The following NECAB1 variants were observed in gnomAD, a reference collection of about 807,000 sequenced individuals.
The protein encoded by NECAB1 is N-terminal EF-hand calcium binding protein 1.
NECAB1 carries 29 observed loss-of-function variants against 57.5 expected under a neutral mutation model. That is an observed-to-expected ratio of 0.50 (90% confidence interval 0.38 to 0.69). The LOEUF (loss-of-function observed/expected upper bound fraction) is 0.69, where lower values mean the gene tolerates loss of function less well. Among genes scored for constraint, NECAB1 ranks in the 30% least tolerant of loss-of-function variants. The pLI is 0.00. For missense variants in NECAB1, 372 were observed against 413.8 expected (o/e 0.90, Z 0.88); for synonymous variants, 142 against 147.7 (o/e 0.96, Z 0.28).
At chr8:90,838,801 C>T (rs1812410690) in intron 3 of NECAB1, among the ~76,000 whole-genome samples, 1 of 152,158 alleles carries the variant, frequency 6.6e-6, no homozygotes, top group African/African-American at 2.4e-5. Context: ...TATTTCCAAA[C>T]TCATGACAGA....
intron 1 of NECAB1, among the ~76,000 whole-genome samples, chr8:90,795,219 C>T (rs751473727): frequency 2.0e-5 from 3 of 152,192 alleles, no homozygotes; most frequent in Non-Finnish European, 2.9e-5. Flanking sequence ...TAATCAACTC[C>T]GCTACTGTGA....
At chr8:90,844,877 T>C (rs969520441) in intron 3 of NECAB1, among the ~76,000 whole-genome samples, 2 of 152,192 alleles carry the variant, frequency 1.3e-5, no homozygotes, top group African/African-American at 4.8e-5. Context: ...CAGAGTTCTC[T>C]AGAGAAACAG....
intron 5 of NECAB1, among the ~76,000 whole-genome samples, chr8:90,906,874 C>CATATAT (rs1290352726): frequency 1.9e-3 from 80 of 42,624 alleles, no homozygotes; most frequent in African/African-American, 0.012. Flanking sequence ...ATATGATATA[C>CATATAT]ACATATATAT....
intron 6 of NECAB1, among the ~76,000 whole-genome samples, chr8:90,920,744 T>C (rs1810088028): frequency 6.6e-6 from 1 of 152,212 alleles, no homozygotes; most frequent in African/African-American, 2.4e-5. Context: ...CCTCTATTTA[T>C]ATCTACTTAT....
intron 6 of NECAB1, among the ~76,000 whole-genome samples, chr8:90,919,021 G>A (rs1194934521): frequency 1.3e-5 from 2 of 151,686 alleles, no homozygotes; most frequent in Non-Finnish European, 2.9e-5. Flanking sequence ...AAAAGTGAAT[G>A]ATGGAAATTA....
chr8:90,915,799 C>T (rs1481249145), intron 5 of NECAB1, among the ~76,000 whole-genome samples: 2 of 152,106 alleles, frequency 1.3e-5, no homozygotes, highest in African/African-American at 2.4e-5. Context: ...GCCTGACAGC[C>T]CCTGGCAAAC....
rs545308753 is a variant in NECAB1 at position 90,839,694 on chromosome 8, C to A, written c.233+14869C>A. On this transcript the variant is annotated intron_variant, in intron 3 of 12. Coordinates refer to ENST00000417640, the MANE Select transcript of NECAB1 (RefSeq NM_022351.5). Reference sequence around the variant, plus strand: ...AGCCTGTAGACGAGAGAGAGTGTGGCATGTTAGAGAAGCTGAAGGGCATTC... The same window carrying A: ...AGCCTGTAGACGAGAGAGAGTGTGGAATGTTAGAGAAGCTGAAGGGCATTC... Among the ~76,000 whole-genome samples the A allele has an allele frequency of 3.9e-5, 6 of 152,138 alleles. 1 individual carries two copies. The highest frequency in any genetic ancestry group is 1.4e-4 in the African/African-American group (6 of 41,490).
intron 5 of NECAB1, among the ~76,000 whole-genome samples, chr8:90,892,582 C>T (rs764670213): frequency 1.6e-4 from 25 of 152,176 alleles, no homozygotes; most frequent in Non-Finnish European, 2.4e-4. Flanking sequence ...GTGCTCTTTG[C>T]TTTATTCTCT....
chr8:90,950,567 G>A (rs983763922), intron 11 of NECAB1, among the ~76,000 whole-genome samples: 2 of 152,068 alleles, frequency 1.3e-5, no homozygotes, highest in Admixed American at 1.3e-4. Context: ...TGTTAAATAT[G>A]GTGATGGAAG....
intron 5 of NECAB1, among the ~76,000 whole-genome samples, chr8:90,892,144 G>C (rs1331357531): frequency 3.3e-5 from 5 of 152,156 alleles, no homozygotes; most frequent in Admixed American, 2.0e-4. Context: ...GTTTTCTCAG[G>C]AGCATCAGAA....
intron 3 of NECAB1, among the ~76,000 whole-genome samples, chr8:90,826,432 A>G (rs2129711219): frequency 6.6e-6 from 1 of 152,060 alleles, no homozygotes; most frequent in African/African-American, 2.4e-5. Context: ...GACTCCTTAA[A>G]TCGCTACTGG....
At chr8:90,834,773 C>A (rs186673328) in intron 3 of NECAB1, among the ~76,000 whole-genome samples, 12 of 152,196 alleles carry the variant, frequency 7.9e-5, no homozygotes. Flanking sequence ...GAGATAATCA[C>A]CAATAGCATT....
chr8:90,824,754 T>C lies in NECAB1; in HGVS notation c.162T>C (p.Tyr54=), dbSNP rs1812195920. 1.9e-6 allele frequency: 3 copies of C among 1,552,474 alleles called. No homozygotes were observed. The highest frequency in any genetic ancestry group is 2.7e-5 in the African/African-American group (2 of 73,260). The change falls in exon 3 of 13, where the codon TAT becomes TAC. Residue 54 remains tyrosine (Y), a synonymous_variant. Coordinates refer to ENST00000417640, the MANE Select transcript of NECAB1 (RefSeq NM_022351.5). ...TATCCTTTGAAGAATTCAAAGCATA[T>C]TTTGCAGATGGTGTTCTCAGTGGAG... ...GKLSFEEFKA[Y]FADGVLSGEE...
At chr8:90,860,832 G>C (rs1812888977) in intron 3 of NECAB1, among the ~76,000 whole-genome samples, 1 of 152,150 alleles carries the variant, frequency 6.6e-6, no homozygotes, top group Admixed American at 6.6e-5. Flanking sequence ...GGAAGATCCA[G>C]AGTGGAGCAG....
At chr8:90,918,790 C>T (rs149685509) in intron 6 of NECAB1, among the ~76,000 whole-genome samples, 1 of 152,200 alleles carries the variant, frequency 6.6e-6, no homozygotes, top group Non-Finnish European at 1.5e-5. Context: ...ACAGTAATTT[C>T]TCTGGGAAGC....
chr8:90,811,426 G>C (rs1027346643), intron 2 of NECAB1, among the ~76,000 whole-genome samples: 1 of 152,090 alleles, frequency 6.6e-6, no homozygotes, highest in African/African-American at 2.4e-5. Flanking sequence ...GAGGTCTCTG[G>C]GATAGGATGG....
intron 6 of NECAB1, 29 bp from the exon 7 acceptor site, chr8:90,925,506 A>T: frequency 6.2e-7 from 1 of 1,606,718 alleles, no homozygotes; most frequent in Non-Finnish European, 8.5e-7. Context: ...CACTAACATT[A>T]AGGTTAAATG....
chr8:90,952,059 G>A (rs1402977832), intron 12 of NECAB1, among the ~76,000 whole-genome samples: 1 of 152,120 alleles, frequency 6.6e-6, no homozygotes. Flanking sequence ...GTGAGGTTGA[G>A]AATGTCATAA....
intron 9 of NECAB1, among the ~76,000 whole-genome samples, chr8:90,936,034 A>G (rs578019227): frequency 1.5e-4 from 23 of 152,284 alleles, no homozygotes; most frequent in African/African-American, 5.1e-4. Flanking sequence ...AGTAACAATA[A>G]GATATTTGTC....
Sources: gnomAD v4.1 joint callset for allele counts (sites outside exome capture counted in the v4.1 genomes callset) on GRCh38, gnomAD v4.1.1 for gene constraint, MANE v1.5 for transcripts, NCBI Gene and HGNC (gene_info 2026-07-23, HGNC 2026-07-21) for gene names.